PTPRD: variants seen among roughly 807,000 people sequenced by gnomAD.
PTPRD encodes protein tyrosine phosphatase receptor type D.
A neutral mutation model predicts 214.5 loss-of-function variants in PTPRD; 34 were observed. The ratio of observed to expected loss-of-function variants is 0.16; its 90% CI spans 0.12 to 0.21. PTPRD has a LOEUF of 0.21. PTPRD is among the 10% of genes least tolerant of loss of function. The pLI is 1.00. For missense variants in PTPRD, 2,545 were observed against 2,398.7 expected, an observed-to-expected ratio of 1.06 and a Z score of -1.27; for synonymous variants, 1,128 against 845.7, an observed-to-expected ratio of 1.33 and a Z score of -5.79.
intron 7 of PTPRD, among the ~76,000 whole-genome samples, chr9:9,595,954 A>T (rs1484268895): frequency 1.3e-5 from 2 of 151,642 alleles, no homozygotes; most frequent in East Asian, 1.9e-4. Context: ...AATAAAAAAA[A>T]AATAAAAAAT....
At chr9:10,306,514 A>C (rs1183124706) in intron 3 of PTPRD, among the ~76,000 whole-genome samples, 1 of 152,054 alleles carries the variant, frequency 6.6e-6, no homozygotes, top group African/African-American at 2.4e-5. Context: ...ACACAGAGCA[A>C]AGTTTTTCAA....
chr9:8,902,491 G>T (rs2098677937), intron 11 of PTPRD, among the ~76,000 whole-genome samples: 1 of 151,720 alleles, frequency 6.6e-6, no homozygotes, highest in Non-Finnish European at 1.5e-5. Flanking sequence ...TACAGGCAAT[G>T]TGCCACCACA....
At chr9:9,126,915 C>T (rs1161114842) in intron 10 of PTPRD, among the ~76,000 whole-genome samples, 1 of 152,132 alleles carries the variant, frequency 6.6e-6, no homozygotes. Context: ...TGGCTGGAGC[C>T]CATCCTAGCA....
rs143998770 is a variant in PTPRD, at chr9:8,339,113, C to G, written c.5254-66G>C. ...AAAGAACATTCTGTATATTATCTAT[C>G]TATCTATCTAATCTATCTAATTTCC... On this transcript the variant is annotated intron_variant, in intron 42 of 45. Coordinates refer to ENST00000381196, the MANE Select transcript of PTPRD (RefSeq NM_002839.4). 604 of 1,441,836 alleles carry G rather than the reference C, an allele frequency of 4.2e-4. 1 individual carries two copies. The African/African-American group carries it at 6.9e-3, about 17-fold the overall frequency. The allele number at this position is 1,441,836 out of a possible 1,614,324, so 89.3% of individuals were successfully genotyped here. A position where few individuals can be genotyped will look rare whatever the true frequency, so the allele number is the denominator to read the frequency against.
chr9:9,651,307 T>C (rs540801745), intron 7 of PTPRD, among the ~76,000 whole-genome samples: 4 of 152,314 alleles, frequency 2.6e-5, no homozygotes, highest in East Asian at 1.9e-4. Flanking sequence ...ACTTGTATCA[T>C]TGAGGGTTTG....
intron 8 of PTPRD, among the ~76,000 whole-genome samples, chr9:9,573,423 A>G (rs1048246600): frequency 3.3e-5 from 5 of 151,650 alleles, no homozygotes; most frequent in Admixed American, 6.6e-5. Flanking sequence ...TTTTAAAAAA[A>G]AAAAACTTAT....
intron 11 of PTPRD, among the ~76,000 whole-genome samples, chr9:8,764,839 G>T (rs1227238428): frequency 6.7e-6 from 1 of 149,794 alleles, no homozygotes; most frequent in African/African-American, 2.5e-5. Context: ...AATAATAGCA[G>T]CTTATTTGAT....
At chr9:10,296,463 G>C (rs1308920658) in intron 3 of PTPRD, among the ~76,000 whole-genome samples, 4 of 151,978 alleles carry the variant, frequency 2.6e-5, no homozygotes, top group Admixed American at 2.6e-4. Context: ...AACCTAATTT[G>C]TATTTTCTAA....
intron 2 of PTPRD, among the ~76,000 whole-genome samples, chr9:10,533,258 A>C (rs1280540851): frequency 3.3e-5 from 5 of 152,112 alleles, no homozygotes; most frequent in Non-Finnish European, 7.4e-5. Flanking sequence ...AGCTAAATAA[A>C]CATATTTTCT....
At chr9:8,323,837 G>A (rs1830827100) in intron 44 of PTPRD, among the ~76,000 whole-genome samples, 2 of 152,172 alleles carry the variant, frequency 1.3e-5, no homozygotes, top group Non-Finnish European at 2.9e-5. Flanking sequence ...GGTTGCAGAG[G>A]AATGACTCCA....
chr9:9,945,251 T>C (rs753908383), intron 4 of PTPRD, among the ~76,000 whole-genome samples: 9 of 152,044 alleles, frequency 5.9e-5, no homozygotes, highest in Non-Finnish European at 1.3e-4. Context: ...GGGAGGTAAA[T>C]AAACCTGAGA....
At chr9:8,524,645 CACAGTTCAATCAAT>C in intron 18 of PTPRD, 1 of 492,296 alleles carries the variant, frequency 2.0e-6, no homozygotes, top group Non-Finnish European at 3.6e-6. Flanking sequence ...AAATGCAAAG[CACAGTTCAATCAAT>C]ACAGTAAAAA....
intron 12 of PTPRD, among the ~76,000 whole-genome samples, chr9:8,675,323 G>GT (rs1321793499): frequency 1.3e-5 from 2 of 151,864 alleles, no homozygotes; most frequent in Admixed American, 6.6e-5. Flanking sequence ...AAATACAAAG[G>GT]TTTTATCACA....
chr9:8,820,356 T>C (rs2097026609), intron 11 of PTPRD, among the ~76,000 whole-genome samples: 1 of 152,118 alleles, frequency 6.6e-6, no homozygotes, highest in African/African-American at 2.4e-5. Flanking sequence ...TCAACCTAAA[T>C]TTAATATGAG....
At chr9:9,140,312 G>A (rs1041537109) in intron 10 of PTPRD, among the ~76,000 whole-genome samples, 1 of 152,056 alleles carries the variant, frequency 6.6e-6, no homozygotes, top group Non-Finnish European at 1.5e-5. Flanking sequence ...ATTTTCTCCT[G>A]TATTGGCTAA....
At chr9:9,006,812 G>T (rs923428030) in intron 11 of PTPRD, among the ~76,000 whole-genome samples, 5 of 151,718 alleles carry the variant, frequency 3.3e-5, no homozygotes, top group African/African-American at 1.2e-4. Context: ...TTTTTTTATA[G>T]TATGGAAAAA....
intron 2 of PTPRD, among the ~76,000 whole-genome samples, chr9:10,449,406 C>A (rs1347434600): frequency 6.6e-6 from 1 of 151,888 alleles, no homozygotes; most frequent in Non-Finnish European, 1.5e-5. Context: ...CACCTCCCAG[C>A]CGCCTGCCTT....
intron 8 of PTPRD, among the ~76,000 whole-genome samples, chr9:9,486,184 A>AAAAAAAAC (rs1449101646): frequency 1.5e-5 from 2 of 135,438 alleles, no homozygotes; most frequent in African/African-American, 2.8e-5. Context: ...AAAAAAAAAA[A>AAAAAAAAC]AGCCTTCCCT....
intron 3 of PTPRD, among the ~76,000 whole-genome samples, chr9:10,076,084 T>C (rs1399691438): frequency 6.6e-6 from 1 of 152,098 alleles, no homozygotes; most frequent in Non-Finnish European, 1.5e-5. Context: ...CTATTCCCTC[T>C]TCCCATTTTC....
Sources: allele counts gnomAD v4.1 joint callset (sites outside exome capture counted in the v4.1 genomes callset), GRCh38; gene constraint gnomAD v4.1.1; transcripts MANE v1.5; gene names NCBI Gene and HGNC (gene_info 2026-07-23, HGNC 2026-07-21).